The following CAST variants were observed in gnomAD, a reference collection of about 807,000 sequenced individuals.
CAST encodes the protein calpastatin.
In CAST, 76 loss-of-function variants were observed where a neutral mutation model predicts 119.6. That is an observed-to-expected ratio of 0.64 (90% CI 0.53 to 0.77). CAST has a LOEUF of 0.77. Ranked by LOEUF, CAST falls within the 30% of genes least tolerant of loss-of-function variation. CAST has a pLI of 0.00. For missense variants in CAST, 953 were observed against 946.5 expected, an observed-to-expected ratio of 1.01 and a Z score of -0.09; for synonymous variants, 319 against 331.6, an observed-to-expected ratio of 0.96 and a Z score of 0.41.
the CAST span, chr5:96,215,664 C>T: frequency 6.6e-6 from 1 of 152,186 alleles, no homozygotes; most frequent in South Asian, 2.1e-4. Context: ...TCTGCCTCAA[C>T]CACTCATGAG....
At chr5:96,684,824 A>G (rs1487579224) in intron 2 of CAST, among the ~76,000 whole-genome samples, 1 of 151,874 alleles carries the variant, frequency 6.6e-6, no homozygotes, top group Non-Finnish European at 1.5e-5. Flanking sequence ...CCCACCTTGG[A>G]CTCCCAAAGT....
intron 1 of CAST, among the ~76,000 whole-genome samples, chr5:96,641,685 T>C (rs1055442419): frequency 6.6e-6 from 1 of 152,126 alleles, no homozygotes; most frequent in Non-Finnish European, 1.5e-5. Context: ...CTCTCCCCAG[T>C]TCCTGCCTCT....
At chr5:96,327,281 T>C in the CAST span, among the ~76,000 whole-genome samples, 2 of 152,160 alleles carry the variant, frequency 1.3e-5, no homozygotes, top group Admixed American at 1.3e-4. Flanking sequence ...CAATAAATGG[T>C]AATTGTTATC....
chr5:96,443,883 G>A, the CAST span, among the ~76,000 whole-genome samples: 11 of 152,202 alleles, frequency 7.2e-5, no homozygotes, highest in Admixed American at 1.3e-4. Flanking sequence ...TTTAGGGAAA[G>A]TGAAATATTA....
chr5:96,711,949 C>A (rs1756250738), intron 3 of CAST, among the ~76,000 whole-genome samples: 2 of 152,074 alleles, frequency 1.3e-5, no homozygotes, highest in Admixed American at 1.3e-4. Flanking sequence ...AATAAATTAG[C>A]CATTTTGGAA....
the CAST span, among the ~76,000 whole-genome samples, chr5:96,448,164 C>A: frequency 6.6e-6 from 1 of 152,168 alleles, no homozygotes; most frequent in Non-Finnish European, 1.5e-5. Flanking sequence ...TCATTGCTAT[C>A]CTAGGTGAAT....
chr5:96,483,763 C>A, the CAST span, among the ~76,000 whole-genome samples: 2 of 152,112 alleles, frequency 1.3e-5, no homozygotes, highest in African/African-American at 4.8e-5. Flanking sequence ...ATAGCTCTAT[C>A]TTGATTTATA....
the CAST span, among the ~76,000 whole-genome samples, chr5:96,317,476 CAAAAAAAAAAAAA>C: frequency 1.8e-4 from 9 of 50,578 alleles, no homozygotes; most frequent in Admixed American, 2.9e-4. Flanking sequence ...GACTCCATCT[CAAAAAAAAAAAAA>C]AAAAAAAAAA....
the CAST span, among the ~76,000 whole-genome samples, chr5:96,347,547 C>T: frequency 1.3e-5 from 2 of 152,194 alleles, no homozygotes; most frequent in South Asian, 4.1e-4. Flanking sequence ...TTTTTTCTCT[C>T]CTTCATCACT....
At chr5:96,233,093 A>G in the CAST span, among the ~76,000 whole-genome samples, 1 of 152,222 alleles carries the variant, frequency 6.6e-6, no homozygotes, top group East Asian at 1.9e-4. Context: ...AAAATGAAGC[A>G]CTTCAACCAA....
chr5:96,215,902 G>T, the CAST span, among the ~76,000 whole-genome samples: 1 of 152,184 alleles, frequency 6.6e-6, no homozygotes, highest in Admixed American at 6.5e-5. Flanking sequence ...CTGCCTCTCG[G>T]GTACAAGTGA....
chr5:96,710,752 A>G (rs1755960381), intron 3 of CAST, among the ~76,000 whole-genome samples: 2 of 152,104 alleles, frequency 1.3e-5, no homozygotes, highest in Admixed American at 1.3e-4. Context: ...GTTTTCCCCC[A>G]GCAATATTAT....
the CAST span, among the ~76,000 whole-genome samples, chr5:96,228,001 CTCTGTG>C: frequency 1.0e-4 from 14 of 136,712 alleles, no homozygotes; most frequent in East Asian, 2.1e-4. Context: ...CTCTTTCTCT[CTCTGTG>C]TGTGTGTGTG....
At chr5:96,074,379 CA>C in the CAST span, among the ~76,000 whole-genome samples, 1 of 152,184 alleles carries the variant, frequency 6.6e-6, no homozygotes. Context: ...GTTGGACCTT[CA>C]TAATGGAATT....
chr5:96,232,504 C>G, the CAST span, among the ~76,000 whole-genome samples: 777 of 152,090 alleles, frequency 5.1e-3, 8 homozygotes, highest in African/African-American at 0.018. Flanking sequence ...CTAAGAAAAT[C>G]TATGGAGAAA....
At chr5:96,439,711 T>C in the CAST span, among the ~76,000 whole-genome samples, 3 of 152,180 alleles carry the variant, frequency 2.0e-5, no homozygotes, top group Non-Finnish European at 4.4e-5. Context: ...GGTTGCTTTC[T>C]AGCAGGTGCC....
chr5:96,399,349 C>T, the CAST span, among the ~76,000 whole-genome samples: 1 of 152,162 alleles, frequency 6.6e-6, no homozygotes, highest in African/African-American at 2.4e-5. Flanking sequence ...AGGCATGCCC[C>T]AAGCCTCCCA....
the CAST span, among the ~76,000 whole-genome samples, chr5:96,307,662 C>T: frequency 6.6e-6 from 1 of 152,162 alleles, no homozygotes; most frequent in Non-Finnish European, 1.5e-5. Context: ...GACAAAATCT[C>T]CCAGCATTTA....
chr5:96,648,641 A>G (rs1748052590), intron 1 of CAST, among the ~76,000 whole-genome samples: 2 of 152,216 alleles, frequency 1.3e-5, no homozygotes, highest in Admixed American at 6.5e-5. Flanking sequence ...CAAACGTAAT[A>G]GTTACAATTG....
Sources: gnomAD v4.1 joint callset for allele counts (sites outside exome capture counted in the v4.1 genomes callset) on GRCh38, gnomAD v4.1.1 for gene constraint, MANE v1.5 for transcripts, NCBI Gene and HGNC (gene_info 2026-07-23, HGNC 2026-07-21) for gene names.